DDX60L: variants seen among roughly 807,000 people sequenced by gnomAD.
DDX60L encodes the protein probable ATP-dependent RNA helicase DDX60-like.
Under a neutral mutation model 211.6 loss-of-function variants are expected in DDX60L, and 191 were observed. That is an observed-to-expected ratio of 0.90 (90% confidence interval 0.80 to 1.02). The LOEUF (loss-of-function observed/expected upper bound fraction) is 1.02. Ranked by LOEUF, DDX60L falls within the 50% of genes least tolerant of loss-of-function variation. DDX60L has a pLI of 0.00. For synonymous variants in DDX60L, 706 were observed against 694.1 expected (o/e 1.02, Z -0.27); for missense variants, 2,007 against 1,984.1 (o/e 1.01, Z -0.22).
intron 29 of DDX60L, among the ~76,000 whole-genome samples, chr4:168,386,923 T>G (rs1311837801): frequency 6.6e-6 from 1 of 152,230 alleles, no homozygotes; most frequent in Non-Finnish European, 1.5e-5. Flanking sequence ...AAAGGAATTT[T>G]ATTGATAAAG....
intron 6 of DDX60L, among the ~76,000 whole-genome samples, chr4:168,457,311 C>A (rs1422479052): frequency 1.3e-5 from 2 of 150,144 alleles, no homozygotes; most frequent in African/African-American, 2.5e-5. Flanking sequence ...CACACACACA[C>A]AATATGTCCT....
At chr4:168,437,553 C>T (rs1014266277) in intron 10 of DDX60L, among the ~76,000 whole-genome samples, 1 of 152,168 alleles carries the variant, frequency 6.6e-6, no homozygotes, top group Non-Finnish European at 1.5e-5. Context: ...GAGTTCTGAG[C>T]CACGATGCAA....
At chr4:168,419,441 A>G (rs1286965731) in intron 18 of DDX60L, 44 bp from the exon 19 acceptor site, 2 of 1,419,016 alleles carry the variant, frequency 1.4e-6, no homozygotes, top group African/African-American at 2.8e-5. Flanking sequence ...ATGGAGCATT[A>G]ATTTTATATC....
At chr4:168,387,690 C>T (rs960888317) in intron 29 of DDX60L, among the ~76,000 whole-genome samples, 1 of 152,112 alleles carries the variant, frequency 6.6e-6, no homozygotes, top group Admixed American at 6.5e-5. Context: ...GACACCACTG[C>T]AGAAAAGTAA....
At chr4:168,364,148 T>G (rs1212487865) in intron 36 of DDX60L, among the ~76,000 whole-genome samples, 2 of 152,012 alleles carry the variant, frequency 1.3e-5, no homozygotes, top group Non-Finnish European at 2.9e-5. Flanking sequence ...TGTACAATTG[T>G]ATGCTGACTA....
chr4:168,398,149 A>G (rs1176750722), intron 26 of DDX60L, among the ~76,000 whole-genome samples: 1 of 152,128 alleles, frequency 6.6e-6, no homozygotes, highest in Non-Finnish European at 1.5e-5. Flanking sequence ...TTCCCTCTGC[A>G]GGTTTGGAAG....
intron 9 of DDX60L, among the ~76,000 whole-genome samples, chr4:168,445,765 C>T (rs1257632642): frequency 5.5e-5 from 8 of 144,710 alleles, no homozygotes; most frequent in African/African-American, 2.0e-4. Context: ...ATAAACAGAG[C>T]CAAAGACAAA....
At chr4:168,391,752 C>A (rs780128260) in intron 28 of DDX60L, 108 bp from the exon 29 acceptor site, 2 of 546,028 alleles carry the variant, frequency 3.7e-6, no homozygotes, top group Non-Finnish European at 6.3e-6. Flanking sequence ...CTTTAACAAA[C>A]CACATGTCAT....
chr4:168,451,754 A>G (rs374725368), intron 8 of DDX60L, among the ~76,000 whole-genome samples: 13 of 152,150 alleles, frequency 8.5e-5, no homozygotes, highest in African/African-American at 2.4e-4. Flanking sequence ...AACAAGTACT[A>G]TATTGATTTT....
intron 6 of DDX60L, among the ~76,000 whole-genome samples, chr4:168,456,399 A>T (rs1038916275): frequency 6.6e-6 from 1 of 152,188 alleles, no homozygotes; most frequent in East Asian, 1.9e-4. Context: ...AGAAATTAAG[A>T]TTTAGTAAAA....
chr4:168,436,740 G>C (rs1753089190), intron 10 of DDX60L, among the ~76,000 whole-genome samples: 1 of 152,140 alleles, frequency 6.6e-6, no homozygotes, highest in Admixed American at 6.5e-5. Context: ...TCTGCTTTCT[G>C]TTCTGGCACC....
chr4:168,418,723 C>CAT (rs939997883), intron 19 of DDX60L, among the ~76,000 whole-genome samples: 1 of 127,076 alleles, frequency 7.9e-6, no homozygotes, highest in African/African-American at 3.0e-5. Flanking sequence ...TTGATAATAA[C>CAT]ATAGCTATGT....
intron 7 of DDX60L, 27 bp downstream of exon 7, chr4:168,456,012 C>T: frequency 2.7e-6 from 4 of 1,486,138 alleles, no homozygotes; most frequent in Non-Finnish European, 3.7e-6. Context: ...CAGCTTTCTG[C>T]CTGGCGGCTG....
intron 13 of DDX60L, among the ~76,000 whole-genome samples, chr4:168,429,697 C>T (rs1752040355): frequency 6.6e-6 from 1 of 152,190 alleles, no homozygotes; most frequent in African/African-American, 2.4e-5. Context: ...GCATTGGAAG[C>T]TGGGCCTGAT....
chr4:168,465,458 GTTGA>G (rs1171017909), intron 4 of DDX60L, among the ~76,000 whole-genome samples: 1 of 151,936 alleles, frequency 6.6e-6, no homozygotes. Context: ...TCTTTACTCT[GTTGA>G]TTATTTCCTT....
intron 26 of DDX60L, 82 bp from the exon 27 acceptor site, chr4:168,396,206 T>C: frequency 1.2e-6 from 1 of 836,192 alleles, no homozygotes; most frequent in Non-Finnish European, 1.8e-6. Flanking sequence ...GCCCCACAGA[T>C]TTCCCTTGGT....
intron 8 of DDX60L, among the ~76,000 whole-genome samples, chr4:168,449,679 A>AAAT (rs1755504964): frequency 2.1e-5 from 3 of 144,118 alleles, no homozygotes; most frequent in Non-Finnish European, 4.5e-5. Context: ...AAAAGAAAAA[A>AAAT]ATTACTAAAT....
At chr4:168,448,570 C>T in intron 9 of DDX60L, 68 bp downstream of exon 9, 1 of 1,250,920 alleles carries the variant, frequency 8.0e-7, no homozygotes, top group Non-Finnish European at 1.1e-6. Flanking sequence ...GTGGTATGTA[C>T]TGGAAAATTT....
intron 22 of DDX60L, among the ~76,000 whole-genome samples, chr4:168,414,840 G>A (rs3947576): frequency 0.91 from 137,781 of 151,368 alleles, 62,989 homozygotes; most frequent in East Asian, 1. Context: ...AGAGAGTAGA[G>A]TGATGGTTAC....
Sources: allele counts gnomAD v4.1 joint callset (sites outside exome capture counted in the v4.1 genomes callset), GRCh38; gene constraint gnomAD v4.1.1; transcripts MANE v1.5; gene names NCBI Gene and HGNC (gene_info 2026-07-23, HGNC 2026-07-21).